PPP2R5D: variants seen among roughly 807,000 people sequenced by gnomAD.
The protein encoded by PPP2R5D is serine/threonine-protein phosphatase 2A 56 kDa regulatory subunit delta isoform.
Under a neutral mutation model 79.1 loss-of-function variants are expected in PPP2R5D, and 12 were observed. The observed-to-expected ratio is 0.15, with a 90% CI of 0.10 to 0.25. PPP2R5D has a LOEUF of 0.25. Among genes scored for constraint, PPP2R5D ranks in the 10% least tolerant of loss-of-function variants. The pLI is 1.00. For missense variants in PPP2R5D, 419 were observed against 760.2 expected, an observed-to-expected ratio of 0.55 and a Z score of 5.28; for synonymous variants, 277 against 286.6, an observed-to-expected ratio of 0.97 and a Z score of 0.34.
chr6:43,003,795 C>T (rs1188564665), intron 2 of PPP2R5D, among the ~76,000 whole-genome samples: 1 of 152,170 alleles, frequency 6.6e-6, no homozygotes, highest in East Asian at 1.9e-4. Flanking sequence ...AGTGCAGTGG[C>T]GTGATCTCGG....
In PPP2R5D at chr6:43,008,499, T is replaced by C. The variant is rs759922698; in HGVS notation, c.1026+24T>C. On this transcript the variant is annotated intron_variant, in intron 9 of 15. Coordinates refer to ENST00000485511, the MANE Select transcript of PPP2R5D (RefSeq NM_006245.4). The surrounding 1 kb of genome is among the most constrained non-coding windows in gnomAD (Gnocchi z 4.2). ...AGGTGAGCTGCCTTCCTCCTTATAA[T>C]GTCCAACTCAGGCAGCAGAGAAAAG... The C allele has an allele frequency of 1.2e-5, 19 of 1,577,072 alleles. No individual in the cohort carries two copies. The highest frequency in any genetic ancestry group is 3.3e-5 in the South Asian group (3 of 90,256).
At chr6:42,997,963 C>T (rs1254009619) in intron 2 of PPP2R5D, among the ~76,000 whole-genome samples, 13 of 137,556 alleles carry the variant, frequency 9.5e-5, no homozygotes, top group Admixed American at 2.3e-4. Flanking sequence ...AGACGTGAGC[C>T]GCCATGCCAG....
At position 43,009,936 on chromosome 6, in the gene PPP2R5D, G is replaced by A. The variant is rs1049188795; in HGVS notation, c.1379+487G>A. 6.6e-6 allele frequency among the ~76,000 whole-genome samples: 1 copy of A among 152,162 alleles called. No individual in the cohort carries two copies. Among genetic ancestry groups the A allele is most frequent in the African/African-American group, 2.4e-5 (1 of 41,432 alleles). ...ATACAAAAATTAGCTGGGTGTAGTG[G>A]TGGATGCCTGTAGTCCCAGCTACTT... On this transcript the variant is annotated intron_variant, in intron 12 of 15. Coordinates refer to ENST00000485511, the MANE Select transcript of PPP2R5D (RefSeq NM_006245.4). This position sits in a 1 kb window ranked among gnomAD's most constrained non-coding sequence, Gnocchi z 5.6.
chr6:43,000,236 C>CTTT (rs1204045076), intron 2 of PPP2R5D, among the ~76,000 whole-genome samples: 1,789 of 105,986 alleles, frequency 0.017, 157 homozygotes, highest in African/African-American at 0.081. Context: ...GTCTGGCCAC[C>CTTT]TTTTTTTTTT....
At chr6:42,998,694 T>C (rs921010850) in intron 2 of PPP2R5D, among the ~76,000 whole-genome samples, 3 of 151,788 alleles carry the variant, frequency 2.0e-5, no homozygotes, top group African/African-American at 7.3e-5. Context: ...GCTCCAGAGT[T>C]TGAGACCAGC....
chr6:42,992,402 G>C (rs1771335949), intron 2 of PPP2R5D, among the ~76,000 whole-genome samples: 1 of 152,156 alleles, frequency 6.6e-6, no homozygotes, highest in Admixed American at 6.5e-5. Flanking sequence ...CTTCTAGCCA[G>C]CTTTGCTCTG....
At chr6:43,000,922 G>C (rs534102150) in intron 2 of PPP2R5D, among the ~76,000 whole-genome samples, 2 of 152,170 alleles carry the variant, frequency 1.3e-5, no homozygotes, top group Non-Finnish European at 2.9e-5. Flanking sequence ...GTACAAACAG[G>C]GTCCTGGCTT....
At chr6:42,994,955 T>C (rs1261517103) in intron 2 of PPP2R5D, among the ~76,000 whole-genome samples, 1 of 152,046 alleles carries the variant, frequency 6.6e-6, no homozygotes, top group Admixed American at 6.6e-5. Context: ...GTTGTTACTC[T>C]AAAAACCTTC....
At position 43,009,995 on chromosome 6, in the gene PPP2R5D, G is replaced by C. The variant is rs574372384; in HGVS notation, c.1380-473G>C. The stretch of plus-strand genomic sequence containing the variant: ...GAGGCAGGAGAATCACTTGAACCTG[G>C]GAGGTGACGGTTGCAGTGAGCCGAG... On this transcript the variant is annotated intron_variant, in intron 12 of 15. Transcript: ENST00000485511. The surrounding 1 kb of genome is among the most constrained non-coding windows in gnomAD (Gnocchi z 5.6). Among the ~76,000 whole-genome samples, 17 of 152,276 alleles carry C rather than the reference G, an allele frequency of 1.1e-4. No individual in the cohort carries two copies. Among genetic ancestry groups the C allele is most frequent in the Non-Finnish European group, 2.5e-4 (17 of 68,024 alleles).
At position 43,010,789 on chromosome 6, in the gene PPP2R5D, G is replaced by A. The variant is rs1561852863; in HGVS notation, c.1554+53G>A. On this transcript the variant is annotated intron_variant, in intron 14 of 15. Coordinates refer to ENST00000485511, the MANE Select transcript of PPP2R5D (RefSeq NM_006245.4). The surrounding 1 kb of genome is among the most constrained non-coding windows in gnomAD (Gnocchi z 4.7). ...CTGAGGGGCCAGCCCATCTTGAGCTGGGGGAGAGTTTGTTGGGGGAGGAAT... is the reference window on the plus strand; with the variant it reads ...CTGAGGGGCCAGCCCATCTTGAGCTAGGGGAGAGTTTGTTGGGGGAGGAAT... The A allele has an allele frequency of 7.5e-6, 12 of 1,608,124 alleles. No homozygotes were observed. Among genetic ancestry groups the A allele is most frequent in the Non-Finnish European group, 1.0e-5 (12 of 1,174,672 alleles).
Position 43,009,250 on chromosome 6 carries a change from C to A in PPP2R5D, c.1251+23C>A. 1 of 1,614,032 alleles carries A rather than the reference C, an allele frequency of 6.2e-7. No individual in the cohort carries two copies. The highest frequency in any genetic ancestry group is 1.3e-5 in the African/African-American group (1 of 75,036). ...CAGGTGAGACTCCAACCTAGCATAT[C>A]CTAGCCCCTGCCAGAAACTGAGGTC... On this transcript the variant is annotated intron_variant, in intron 11 of 15. Coordinates refer to ENST00000485511, the MANE Select transcript of PPP2R5D (RefSeq NM_006245.4). This position sits in a 1 kb window ranked among gnomAD's most constrained non-coding sequence, Gnocchi z 5.6.
At chr6:42,988,873 C>T (rs961607987) in intron 1 of PPP2R5D, among the ~76,000 whole-genome samples, 3 of 152,232 alleles carry the variant, frequency 2.0e-5, no homozygotes, top group African/African-American at 7.2e-5. Flanking sequence ...TATCCTGTCC[C>T]TGTGCAGTTG....
At chr6:42,998,308 C>T (rs1771936285) in intron 2 of PPP2R5D, among the ~76,000 whole-genome samples, 4 of 149,618 alleles carry the variant, frequency 2.7e-5, no homozygotes, top group South Asian at 2.1e-4. Flanking sequence ...CTCCTGATCT[C>T]GTGATCTGCC....
rs6458318 is a variant in PPP2R5D at position 43,008,494 on chromosome 6, T to C, written c.1026+19T>C. ...CCCTCAGGTGAGCTGCCTTCCTCCT[T>C]ATAATGTCCAACTCAGGCAGCAGAG... On this transcript the variant is annotated intron_variant, in intron 9 of 15. Transcript: ENST00000485511. This position sits in a 1 kb window ranked among gnomAD's most constrained non-coding sequence, Gnocchi z 4.2. 29 of 1,585,542 alleles carry C rather than the reference T, an allele frequency of 1.8e-5. No homozygotes were observed. The South Asian group carries it at 2.8e-4, about 15-fold the overall frequency.
Position 43,008,584 on chromosome 6 carries a change from T to G in PPP2R5D, c.1026+109T>G. On this transcript the variant is annotated intron_variant, in intron 9 of 15. Coordinates refer to ENST00000485511, the MANE Select transcript of PPP2R5D (RefSeq NM_006245.4). The surrounding 1 kb of genome is among the most constrained non-coding windows in gnomAD (Gnocchi z 4.2). Reference sequence around the variant, plus strand: ...AAGCATAGGGAGCAGGTGGGATAATTCCTTCCCTCCATCTCCCCTTCCCTT... The same window carrying G: ...AAGCATAGGGAGCAGGTGGGATAATGCCTTCCCTCCATCTCCCCTTCCCTT... The G allele has an allele frequency of 6.8e-7, 1 of 1,472,972 alleles. No homozygotes were observed. Among genetic ancestry groups the G allele is most frequent in the East Asian group, 2.3e-5 (1 of 44,032 alleles). 91.2% of individuals were successfully genotyped at this position (1,472,972 alleles called of 1,614,324 possible). A position where few individuals can be genotyped will look rare whatever the true frequency, so the allele number is the denominator to read the frequency against.
chr6:42,996,510 A>T lies in PPP2R5D; in HGVS notation c.105+6822A>T, dbSNP rs568106675. On this transcript the variant is annotated intron_variant, in intron 2 of 15. Transcript: ENST00000485511. ...AAAAATAAGGGCCAAAAAAGAAAAA[A>T]AAACAAACAAATCAAAAGCCACCTC... is the stretch of plus-strand genomic sequence containing the variant. 2.0e-5 allele frequency among the ~76,000 whole-genome samples: 3 copies of T among 152,210 alleles called. No homozygotes were observed. The East Asian group carries it at 5.8e-4, about 29-fold the overall frequency.
intron 2 of PPP2R5D, among the ~76,000 whole-genome samples, chr6:43,005,100 T>C (rs920903813): frequency 3.3e-5 from 5 of 151,816 alleles, no homozygotes; most frequent in African/African-American, 4.8e-5. Flanking sequence ...TTATTCATTT[T>C]CTGTTATAAA....
At chr6:42,995,025 A>C (rs1771540966) in intron 2 of PPP2R5D, among the ~76,000 whole-genome samples, 1 of 151,864 alleles carries the variant, frequency 6.6e-6, no homozygotes, top group South Asian at 2.1e-4. Flanking sequence ...TTACAAGTTA[A>C]AATCCAAACT....
chr6:43,010,408 G>A lies in PPP2R5D; in HGVS notation c.1380-60G>A, dbSNP rs1224593090. 2.1e-6 allele frequency: 3 copies of A among 1,421,492 alleles called. No individual in the cohort carries two copies. The highest frequency in any genetic ancestry group is 1.8e-4 in the Middle Eastern group (1 of 5,674). The allele number at this position is 1,421,492 out of a possible 1,614,324, so 88.1% of individuals were successfully genotyped here. A position where few individuals can be genotyped will look rare whatever the true frequency, so the allele number is the denominator to read the frequency against. On this transcript the variant is annotated intron_variant, in intron 12 of 15. Transcript: ENST00000485511. This position sits in a 1 kb window ranked among gnomAD's most constrained non-coding sequence, Gnocchi z 4.7. ...ATACCCCTGTGAGAGAACAAATTGG[G>A]TTCCTCACGCTAAGGGCAGGCTCTG...
Sources: gnomAD v4.1 joint callset for allele counts (sites outside exome capture counted in the v4.1 genomes callset) on GRCh38, gnomAD v4.1.1 for gene constraint, Gnocchi (gnomAD v3.1) non-coding constraint, MANE v1.5 for transcripts, NCBI Gene and HGNC (gene_info 2026-07-23, HGNC 2026-07-21) for gene names.